DLG2: variants seen among roughly 807,000 people sequenced by gnomAD.
DLG2 encodes the protein disks large homolog 2.
A neutral mutation model predicts 132.5 loss-of-function variants in DLG2; 45 were observed. That is an observed-to-expected ratio of 0.34 (90% CI 0.27 to 0.44). The LOEUF is 0.44. Among genes scored for constraint, DLG2 ranks in the 20% least tolerant of loss-of-function variants. The pLI is 1.00. For synonymous variants in DLG2, 424 were observed against 419.6 expected (o/e 1.01, Z -0.13); for missense variants, 1,045 against 1,196.9 (o/e 0.87, Z 1.87).
intron 3 of DLG2, 83 bp downstream of exon 3, chr11:85,598,574 C>G: frequency 1.1e-6 from 1 of 942,868 alleles, no homozygotes; most frequent in Non-Finnish European, 1.5e-6. Context: ...ACTTGGTTAA[C>G]ATCAGGTTCT....
chr11:83,899,490 T>C (rs1381127317), intron 15 of DLG2, among the ~76,000 whole-genome samples: 1 of 152,214 alleles, frequency 6.6e-6, no homozygotes, highest in Non-Finnish European at 1.5e-5. Flanking sequence ...AATTCCCATA[T>C]GTTGTGGGAG....
At chr11:84,364,727 T>C (rs186158507) in intron 7 of DLG2, among the ~76,000 whole-genome samples, 1,784 of 152,272 alleles carry the variant, frequency 0.012, 29 homozygotes, top group African/African-American at 0.04. Flanking sequence ...TGAAGCGTTG[T>C]TGAATTTTGT....
At chr11:85,302,090 T>C (rs2079620004) in intron 3 of DLG2, among the ~76,000 whole-genome samples, 1 of 152,152 alleles carries the variant, frequency 6.6e-6, no homozygotes, top group Non-Finnish European at 1.5e-5. Context: ...CATAACTACC[T>C]ATAATTCACA....
intron 6 of DLG2, among the ~76,000 whole-genome samples, chr11:84,624,002 G>A (rs951864112): frequency 1.3e-5 from 2 of 152,134 alleles, no homozygotes; most frequent in Non-Finnish European, 2.9e-5. Flanking sequence ...CACATAATAT[G>A]TACTCAGGGA....
At chr11:85,342,630 CATT>C (rs1160488767) in intron 3 of DLG2, among the ~76,000 whole-genome samples, 9 of 151,948 alleles carry the variant, frequency 5.9e-5, no homozygotes, top group Admixed American at 2.6e-4. Context: ...CATTTATTAT[CATT>C]ATCAAGTATT....
At chr11:85,545,907 GTCTA>G (rs1312851732) in intron 3 of DLG2, among the ~76,000 whole-genome samples, 2 of 152,064 alleles carry the variant, frequency 1.3e-5, no homozygotes. Context: ...CTGGCTAGCA[GTCTA>G]TCTATTTTGT....
intron 6 of DLG2, among the ~76,000 whole-genome samples, chr11:84,828,856 A>G (rs1376607848): frequency 6.6e-6 from 1 of 151,744 alleles, no homozygotes; most frequent in Non-Finnish European, 1.5e-5. Context: ...AATGGCTTAG[A>G]GCACTGAAAG....
At chr11:84,415,943 G>C (rs951057822) in intron 7 of DLG2, among the ~76,000 whole-genome samples, 3 of 152,078 alleles carry the variant, frequency 2.0e-5, no homozygotes, top group Admixed American at 1.3e-4. Flanking sequence ...AATATTAGCT[G>C]TTATTGCTGT....
At chr11:83,704,096 A>AT in intron 18 of DLG2, among the ~76,000 whole-genome samples, 1 of 152,264 alleles carries the variant, frequency 6.6e-6, no homozygotes. Flanking sequence ...TGCCTTATTT[A>AT]TTTTTTATAA....
chr11:85,562,957 A>G (rs915658815), intron 3 of DLG2, among the ~76,000 whole-genome samples: 5 of 151,848 alleles, frequency 3.3e-5, no homozygotes, highest in African/African-American at 9.7e-5. Context: ...AGTGTATAAT[A>G]TCTTCAGGAT....
chr11:85,592,739 C>T (rs543706376), intron 3 of DLG2, among the ~76,000 whole-genome samples: 1 of 152,000 alleles, frequency 6.6e-6, no homozygotes, highest in African/African-American at 2.4e-5. Context: ...TCACTTGAGC[C>T]CAGGAGTTCA....
intron 26 of DLG2, among the ~76,000 whole-genome samples, chr11:83,462,826 A>T (rs1023170149): frequency 2.6e-5 from 4 of 152,148 alleles, no homozygotes; most frequent in Admixed American, 1.3e-4. Context: ...AATTTTTTTT[A>T]AAAGGCTCAA....
chr11:84,177,435 G>T (rs2096001686), intron 8 of DLG2, among the ~76,000 whole-genome samples: 1 of 152,118 alleles, frequency 6.6e-6, no homozygotes, highest in African/African-American at 2.4e-5. Flanking sequence ...TATATTATCA[G>T]GCTGTGTTAA....
At chr11:85,434,499 C>G (rs1463286230) in intron 3 of DLG2, among the ~76,000 whole-genome samples, 1 of 152,038 alleles carries the variant, frequency 6.6e-6, no homozygotes, top group Non-Finnish European at 1.5e-5. Flanking sequence ...GATATCACCA[C>G]TGACCCCACA....
At chr11:85,148,078 T>C (rs952036729) in intron 5 of DLG2, among the ~76,000 whole-genome samples, 1 of 152,194 alleles carries the variant, frequency 6.6e-6, no homozygotes, top group Non-Finnish European at 1.5e-5. Flanking sequence ...GCAAAAGACA[T>C]TATCTCATTC....
chr11:85,527,879 G>A (rs2074899802), intron 3 of DLG2, among the ~76,000 whole-genome samples: 1 of 152,016 alleles, frequency 6.6e-6, no homozygotes, highest in East Asian at 1.9e-4. Context: ...ACTTTTTAAT[G>A]GTCACCATTC....
chr11:83,854,936 AT>A (rs1249835539), intron 16 of DLG2, among the ~76,000 whole-genome samples: 14 of 152,292 alleles, frequency 9.2e-5, no homozygotes, highest in Non-Finnish European at 1.6e-4. Context: ...ATTATTAAAA[AT>A]ATACAAAGAA....
chr11:83,897,083 C>T (rs2071944916), intron 15 of DLG2, among the ~76,000 whole-genome samples: 1 of 152,008 alleles, frequency 6.6e-6, no homozygotes, highest in Non-Finnish European at 1.5e-5. Flanking sequence ...ATGAATTATT[C>T]AATAATACTG....
chr11:83,876,337 T>A (rs977893938), intron 15 of DLG2, among the ~76,000 whole-genome samples: 3 of 152,290 alleles, frequency 2.0e-5, no homozygotes, highest in Admixed American at 6.5e-5. Flanking sequence ...GAATAATTAC[T>A]GTATTTAGAC....
Sources: gnomAD v4.1 joint callset for allele counts (sites outside exome capture counted in the v4.1 genomes callset) on GRCh38, gnomAD v4.1.1 for gene constraint, MANE v1.5 for transcripts, NCBI Gene and HGNC (gene_info 2026-07-23, HGNC 2026-07-21) for gene names.